The following UACA variants were observed in gnomAD, a reference collection of about 807,000 sequenced individuals.
The protein encoded by UACA is uveal autoantigen with coiled-coil domains and ankyrin repeats.
A neutral mutation model predicts 160.5 loss-of-function variants in UACA; 112 were observed. The observed-to-expected ratio is 0.70, with a 90% CI of 0.60 to 0.82. UACA has a LOEUF of 0.82. Among genes scored for constraint, UACA ranks in the 40% least tolerant of loss-of-function variants. UACA has a pLI of 0.00. For missense variants in UACA, 1,574 were observed against 1,614.6 expected, an observed-to-expected ratio of 0.97 and a Z score of 0.43; for synonymous variants, 557 against 568.4, an observed-to-expected ratio of 0.98 and a Z score of 0.29.
chr15:70,678,583 A>G (rs966014392), intron 10 of UACA, among the ~76,000 whole-genome samples: 1 of 152,122 alleles, frequency 6.6e-6, no homozygotes, highest in African/African-American at 2.4e-5. Context: ...AATAATCATC[A>G]TTTTCAGTGC....
At chr15:70,701,999 C>A (rs1309861820) in intron 1 of UACA, 1 of 1,582,000 alleles carries the variant, frequency 6.3e-7, no homozygotes, top group Non-Finnish European at 8.6e-7. Context: ...AGCAAACTCT[C>A]AGACAAACTC....
At chr15:70,760,193 CATA>C (rs1170038335) in intron 1 of UACA, among the ~76,000 whole-genome samples, 29 of 151,312 alleles carry the variant, frequency 1.9e-4, no homozygotes, top group African/African-American at 7.3e-5. Flanking sequence ...ACTTTAACAC[CATA>C]ATAAGTATCT....
At chr15:70,693,291 C>T (rs893625484) in intron 3 of UACA, among the ~76,000 whole-genome samples, 1 of 152,076 alleles carries the variant, frequency 6.6e-6, no homozygotes, top group Non-Finnish European at 1.5e-5. Context: ...AAGGAAACAC[C>T]AGATCTAAAG....
At chr15:70,717,131 G>A (rs558648160) in intron 1 of UACA, among the ~76,000 whole-genome samples, 3 of 152,130 alleles carry the variant, frequency 2.0e-5, no homozygotes, top group African/African-American at 7.2e-5. Flanking sequence ...TGAGGCAGGC[G>A]AATTGCTTGA....
At chr15:70,659,416 T>TTTTTTTTTTTTTTG (rs1896617620) in intron 18 of UACA, among the ~76,000 whole-genome samples, 1 of 135,384 alleles carries the variant, frequency 7.4e-6, no homozygotes, top group Non-Finnish European at 1.6e-5. Flanking sequence ...TTTTTTTTTT[T>TTTTTTTTTTTTTTG]TTTTTTGCTT....
chr15:70,728,234 G>A (rs1899205366), intron 1 of UACA, among the ~76,000 whole-genome samples: 1 of 152,104 alleles, frequency 6.6e-6, no homozygotes, highest in Non-Finnish European at 1.5e-5. Context: ...ACTCAAGATG[G>A]ATTAAAGACT....
chr15:70,668,184 A>G lies in UACA; in HGVS notation c.2500T>C (p.Cys834Arg), dbSNP rs529227646. ...KKQLSELKKK[C>R]GEDQEKIHAL... The stretch of plus-strand genomic sequence containing the variant: ...TGTATTTTCTCCTGGTCTTCACCAC[A>G]TTTTTTCTTAAGTTCAGACAGCTGT... The change falls in exon 16 of 19, where the codon TGT becomes CGT. Residue 834 changes from cysteine to arginine, a missense_variant. By Grantham distance (180) the Cys-to-Arg change is radical (BLOSUM62 -3). Transcript: ENST00000322954. 1.2e-6 allele frequency: 2 copies of G among 1,610,882 alleles called. No homozygotes were observed. Among genetic ancestry groups the G allele is most frequent in the South Asian group, 2.2e-5 (2 of 89,814 alleles).
At chr15:70,743,638 G>A (rs1899605445) in intron 1 of UACA, among the ~76,000 whole-genome samples, 1 of 152,016 alleles carries the variant, frequency 6.6e-6, no homozygotes, top group Non-Finnish European at 1.5e-5. Context: ...AATCAAAAAG[G>A]GTGCTGAAGA....
At chr15:70,706,694 T>C (rs1292807820) in intron 1 of UACA, among the ~76,000 whole-genome samples, 1 of 152,074 alleles carries the variant, frequency 6.6e-6, no homozygotes, top group East Asian at 1.9e-4. Flanking sequence ...AACAATTCCA[T>C]TTACAATACC....
chr15:70,761,603 C>T (rs1391432637), intron 1 of UACA, among the ~76,000 whole-genome samples: 3 of 152,006 alleles, frequency 2.0e-5, no homozygotes, highest in African/African-American at 7.2e-5. Context: ...AGTTTTATTC[C>T]TCATTACGCT....
chr15:70,728,981 A>G (rs1377756687), intron 1 of UACA, among the ~76,000 whole-genome samples: 1 of 152,242 alleles, frequency 6.6e-6, no homozygotes, highest in Non-Finnish European at 1.5e-5. Flanking sequence ...AAAAACTGCA[A>G]TGAGTTACCA....
At chr15:70,688,325 T>C (rs539783905) in intron 5 of UACA, among the ~76,000 whole-genome samples, 14 of 152,296 alleles carry the variant, frequency 9.2e-5, no homozygotes, top group African/African-American at 3.4e-4. Flanking sequence ...TAAAATCACA[T>C]TATGCTTCTT....
intron 14 of UACA, chr15:70,671,705 A>C: frequency 3.7e-6 from 1 of 270,012 alleles, no homozygotes; most frequent in Non-Finnish European, 6.9e-6. Context: ...CTACTAATCA[A>C]CAAGGCAAAT....
intron 16 of UACA, among the ~76,000 whole-genome samples, chr15:70,665,417 C>T (rs753663550): frequency 2.0e-5 from 3 of 152,102 alleles, no homozygotes; most frequent in Non-Finnish European, 4.4e-5. Context: ...TTAGATTCCA[C>T]ATTGGTGAAA....
At chr15:70,673,621 A>G (rs937726089) in intron 13 of UACA, among the ~76,000 whole-genome samples, 3 of 152,234 alleles carry the variant, frequency 2.0e-5, no homozygotes, top group Non-Finnish European at 4.4e-5. Flanking sequence ...ATTTGGTCTT[A>G]TTATCTCTAT....
intron 1 of UACA, among the ~76,000 whole-genome samples, chr15:70,751,844 C>T (rs768493240): frequency 2.6e-5 from 4 of 151,956 alleles, no homozygotes; most frequent in African/African-American, 9.7e-5. Context: ...GCCATGAATG[C>T]TATTTATATT....
At position 70,666,809 on chromosome 15, in the gene UACA, C is replaced by A. The variant is rs768309300; in HGVS notation, c.3875G>T (p.Arg1292Leu). ...IEQEIKDQKE[R>L]CDKSLTTITE... Reference sequence around the variant, plus strand: ...GATTGTTGTTAAGGACTTATCACATCGTTCCTTCTGATCCTTAATTTCTTG... The same window carrying A: ...GATTGTTGTTAAGGACTTATCACATAGTTCCTTCTGATCCTTAATTTCTTG... Residue 1292 changes from arginine to leucine, a missense_variant, in exon 16 of 19, where the codon CGA (arginine) becomes CTA (leucine). Transcript: ENST00000322954. 3 of 1,613,684 alleles carry A rather than the reference C, an allele frequency of 1.9e-6. No homozygotes were observed. In the East Asian group the frequency reaches 6.7e-5, roughly 36 times the overall value.
intron 1 of UACA, among the ~76,000 whole-genome samples, chr15:70,748,113 C>A (rs1257542181): frequency 2.6e-5 from 4 of 152,124 alleles, no homozygotes; most frequent in Admixed American, 2.6e-4. Context: ...CAAGGTGGGG[C>A]AGTCTGCAAG....
intron 1 of UACA, among the ~76,000 whole-genome samples, chr15:70,742,185 T>C (rs1422790628): frequency 6.6e-6 from 1 of 152,256 alleles, no homozygotes; most frequent in Non-Finnish European, 1.5e-5. Flanking sequence ...CTAAATTACT[T>C]AACATGGTTA....
Sources: allele counts gnomAD v4.1 joint callset (sites outside exome capture counted in the v4.1 genomes callset), GRCh38; gene constraint gnomAD v4.1.1; transcripts MANE v1.5; gene names NCBI Gene and HGNC (gene_info 2026-07-23, HGNC 2026-07-21).